Variants in KERA observed in about 807,000 individuals in gnomAD.
The protein encoded by KERA is keratocan.
A neutral mutation model predicts 26.4 loss-of-function variants in KERA; 25 were observed. The observed-to-expected ratio is 0.95, with a 90% confidence interval of 0.69 to 1.32. The LOEUF (loss-of-function observed/expected upper bound fraction) is 1.32. KERA is among the 40% of genes most tolerant of loss of function. The pLI is 0.00. For missense variants in KERA, 434 were observed against 408.9 expected, an observed-to-expected ratio of 1.06 and a Z score of -0.53; for synonymous variants, 167 against 146.1, an observed-to-expected ratio of 1.14 and a Z score of -1.03.
intron 1 of KERA, among the ~76,000 whole-genome samples, chr12:91,057,063 T>C (rs978259907): frequency 2.0e-5 from 3 of 150,774 alleles, no homozygotes; most frequent in African/African-American, 7.3e-5. Flanking sequence ...GAGTTTATTA[T>C]ATAGAGTTGA....
At chr12:91,051,625 A>C (rs763895800) in intron 2 of KERA, 107 bp from the exon 3 acceptor site, 7 of 768,162 alleles carry the variant, frequency 9.1e-6, no homozygotes, top group Admixed American at 3.9e-5. Flanking sequence ...TAGTGGCCTA[A>C]TATATGAAAA....
Position 91,056,099 on chromosome 12 carries a change from T to G in KERA, c.183A>C (p.Arg61Ser). ...SFPTALYCEN[R>S]GLKEIPAIPS... ...GAATAGCAGGAATTTCTTTGAGACC[T>G]CTATTTTCACAATATAAAGCAGTAG... is the stretch of plus-strand genomic sequence containing the variant. The change falls in exon 2 of 3, where the codon AGA (arginine) becomes AGC (serine). Residue 61 changes from arginine to serine, a missense_variant. Transcript: ENST00000266719. 1.2e-6 allele frequency: 2 copies of G among 1,609,444 alleles called. No individual in the cohort carries two copies. The highest frequency in any genetic ancestry group is 1.7e-6 in the Non-Finnish European group (2 of 1,177,664).
rs78304229 is a variant in KERA at position 91,056,441 on chromosome 12, G to T, written c.-8-152C>A. ...CACAGATCTTAATTAATATACATTA[G>T]TTAGTAGGCACCATATGCAAAGCAT... On this transcript the variant is annotated intron_variant, in intron 1 of 2. Transcript: ENST00000266719. Among the ~76,000 whole-genome samples, 439 of 151,304 alleles carry T rather than the reference G, an allele frequency of 2.9e-3. 4 individuals are homozygous for T. The highest frequency in any genetic ancestry group is 9.3e-3 in the African/African-American group (385 of 41,416).
chr12:91,053,741 C>T (rs1451563769), intron 2 of KERA, among the ~76,000 whole-genome samples: 1 of 151,314 alleles, frequency 6.6e-6, no homozygotes, highest in East Asian at 1.9e-4. Flanking sequence ...GTCTATACTA[C>T]ACACATAATA....
At chr12:91,053,212 A>G (rs913629955) in intron 2 of KERA, among the ~76,000 whole-genome samples, 3 of 151,400 alleles carry the variant, frequency 2.0e-5, no homozygotes, top group Admixed American at 2.0e-4. Flanking sequence ...GGAAACTCTT[A>G]TATTTATTTT....
Position 91,055,794 on chromosome 12 carries a change from C to A in KERA, c.488G>T (p.Ser163Ile). 1 of 1,611,302 alleles carries A rather than the reference C, an allele frequency of 6.2e-7. No homozygotes were observed. The highest frequency in any genetic ancestry group is 8.5e-7 in the Non-Finnish European group (1 of 1,178,216). ...KVSRIPQGTFSNLENLTLLDL... is the reference protein window; with the variant it reads ...KVSRIPQGTFINLENLTLLDL... ...AAGAAGGGTCAGGTTCTCCAGATTG[C>A]TAAAGGTCCCTTGAGGAATTCTGGA... The change falls in exon 2 of 3, where the codon AGC (serine) becomes ATC (isoleucine). Residue 163 changes from serine (S) to isoleucine (I), a missense_variant. Coordinates refer to ENST00000266719, the MANE Select transcript of KERA (RefSeq NM_007035.4).
intron 2 of KERA, among the ~76,000 whole-genome samples, chr12:91,054,206 A>C (rs1878934138): frequency 6.6e-6 from 1 of 151,414 alleles, no homozygotes; most frequent in African/African-American, 2.4e-5. Flanking sequence ...AAAAATTCTT[A>C]AATAACTGAG....
intron 2 of KERA, among the ~76,000 whole-genome samples, chr12:91,053,664 C>T (rs1878918744): frequency 6.6e-6 from 1 of 151,268 alleles, no homozygotes; most frequent in African/African-American, 2.4e-5. Flanking sequence ...GATGCACACT[C>T]AGATTTGAGA....
At chr12:91,055,353 C>T (rs186232751) in intron 2 of KERA, 43 bp downstream of exon 2, 3 of 1,528,220 alleles carry the variant, frequency 2.0e-6, no homozygotes, top group East Asian at 4.5e-5. Flanking sequence ...CATTTAATGA[C>T]CATGAGCCCT....
chr12:91,051,126 CTG>C lies in KERA; in HGVS notation c.*218_*219del, dbSNP rs1458696765. 2 of 517,882 alleles carry C rather than the reference CTG, an allele frequency of 3.9e-6. No individual in the cohort carries two copies. Among genetic ancestry groups the C allele is most frequent in the Admixed American group, 3.1e-5 (1 of 32,112 alleles). The allele number at this position is 517,882 out of a possible 1,614,324, so 32.1% of individuals were successfully genotyped here. On this transcript the variant is annotated 3_prime_UTR_variant, in exon 3 of 3. Coordinates refer to ENST00000266719, the MANE Select transcript of KERA (RefSeq NM_007035.4). Reference sequence around the variant, plus strand: ...TTTGAGTTGATAAACTATCTTAACTCTGTGTCTGTTTTATTAATTAAAAGAAA... The same window carrying C: ...TTTGAGTTGATAAACTATCTTAACTCTGTCTGTTTTATTAATTAAAAGAAA...
chr12:91,056,191 C>G lies in KERA; in HGVS notation c.91G>C (p.Asp31His), dbSNP rs1383537602. 2.5e-6 allele frequency: 4 copies of G among 1,609,748 alleles called. No individual in the cohort carries two copies. The African/African-American group carries it at 5.4e-5, about 22-fold the overall frequency. ...RSVRQVYEVH[D>H]SDDWTIHDFE... ...TCATGAATAGTCCAATCATCTGAAT[C>G]ATGTACTTCATAGACCTGCCTCACA... The change falls in exon 2 of 3, where the codon GAT becomes CAT. Residue 31 changes from aspartate to histidine, a missense_variant. Asp to His is a moderately conservative substitution (Grantham distance 81). Coordinates refer to ENST00000266719, the MANE Select transcript of KERA (RefSeq NM_007035.4).
Position 91,051,180 on chromosome 12 carries a change from T to G in KERA, c.*166A>C. The G allele has an allele frequency of 1.6e-6, 1 of 625,482 alleles. No homozygotes were observed. The highest frequency in any genetic ancestry group is 2.9e-6 in the Non-Finnish European group (1 of 344,688). 38.7% of individuals were successfully genotyped at this position (625,482 alleles called of 1,614,324 possible). ...GCAAATTAATGCAGGCTGTGATGCA[T>G]GTAACTGGCAAAAGCATCTTTGAAT... On this transcript the variant is annotated 3_prime_UTR_variant, in exon 3 of 3. Coordinates refer to ENST00000266719, the MANE Select transcript of KERA (RefSeq NM_007035.4).
chr12:91,054,945 A>G (rs918744087), intron 2 of KERA, among the ~76,000 whole-genome samples: 10 of 151,244 alleles, frequency 6.6e-5, no homozygotes, highest in Admixed American at 1.3e-4. Context: ...AGAGACTCCA[A>G]TTAGGAGGGT....
Position 91,056,128 on chromosome 12 carries a change from A to C in KERA, c.154T>G (p.Phe52Val). The change falls in exon 2 of 3, where the codon TTT becomes GTT. Residue 52 changes from phenylalanine to valine, a missense_variant. Transcript: ENST00000266719. Reference protein sequence around the residue: ...CPMECFCPPSFPTALYCENRG... With the variant: ...CPMECFCPPSVPTALYCENRG... ...TTTTCACAATATAAAGCAGTAGGAA[A>C]ACTGGGTGGGCAGAAACATTCCATG... 10 of 1,610,490 alleles carry C rather than the reference A, an allele frequency of 6.2e-6. No homozygotes were observed. Among genetic ancestry groups the C allele is most frequent in the African/African-American group, 1.3e-5 (1 of 74,730 alleles).
rs375042903 is a variant in KERA, at chr12:91,055,869, G to A, written c.413C>T (p.Ser138Phe). ...LEDNELEEVP[S>F]PLPRSLEQLQ... ...TTGTTCTAAACTTCTTGGCAATGGA[G>A]AAGGTACCTCCTCTAGCTCATTATC... Residue 138 changes from serine to phenylalanine, a missense_variant, in exon 2 of 3, where the codon TCT becomes TTT. Coordinates refer to ENST00000266719, the MANE Select transcript of KERA (RefSeq NM_007035.4). 42 of 1,611,288 alleles carry A rather than the reference G, an allele frequency of 2.6e-5. No homozygotes were observed. Among genetic ancestry groups the A allele is most frequent in the Middle Eastern group, 1.7e-4 (1 of 6,048 alleles).
intron 2 of KERA, among the ~76,000 whole-genome samples, chr12:91,054,533 T>C (rs1878942187): frequency 6.6e-6 from 1 of 151,286 alleles, no homozygotes; most frequent in South Asian, 2.1e-4. Context: ...TCATGCATAA[T>C]TGTGAAGAAG....
intron 2 of KERA, among the ~76,000 whole-genome samples, chr12:91,053,870 A>C (rs192528631): frequency 1.3e-5 from 2 of 151,498 alleles, no homozygotes; most frequent in Admixed American, 1.3e-4. Flanking sequence ...CAAGGGCTCT[A>C]TGTGGAGTCA....
chr12:91,055,815 C>A lies in KERA; in HGVS notation c.467G>T (p.Arg156Ile). 1 of 1,611,306 alleles carries A rather than the reference C, an allele frequency of 6.2e-7. No individual in the cohort carries two copies. The highest frequency in any genetic ancestry group is 8.5e-7 in the Non-Finnish European group (1 of 1,178,218). ...QLQLARNKVS[R>I]IPQGTFSNLE... The stretch of plus-strand genomic sequence containing the variant: ...ATTGCTAAAGGTCCCTTGAGGAATT[C>A]TGGACACCTTATTTCTAGCTAATTG... The change falls in exon 2 of 3, where the codon AGA (arginine) becomes ATA (isoleucine). Residue 156 changes from arginine to isoleucine, a missense_variant. By Grantham distance (97) the Arg-to-Ile change is moderately conservative. Transcript: ENST00000266719.
intron 2 of KERA, 80 bp from the exon 3 acceptor site, chr12:91,051,598 T>C (rs2120952565): frequency 1.0e-6 from 1 of 1,001,410 alleles, no homozygotes; most frequent in Non-Finnish European, 1.6e-6. Flanking sequence ...ACTAATGCCA[T>C]GGTCCTATGG....
Sources: gnomAD v4.1 joint callset for allele counts (sites outside exome capture counted in the v4.1 genomes callset) on GRCh38, gnomAD v4.1.1 for gene constraint, MANE v1.5 for transcripts, NCBI Gene and HGNC (gene_info 2026-07-23, HGNC 2026-07-21) for gene names.